Variants in CABP7 observed in about 807,000 individuals in gnomAD.
CABP7 encodes the protein calcium-binding protein 7.
CABP7 carries 13 observed loss-of-function variants against 23.1 expected under a neutral mutation model. The observed-to-expected ratio is 0.56, with a 90% CI of 0.37 to 0.90. CABP7 has a LOEUF of 0.90. Among genes scored for constraint, CABP7 ranks in the 40% least tolerant of loss-of-function variants. The probability of loss-of-function intolerance (pLI) is 0.01; values close to 1 mark genes in which losing one functional copy is unlikely to be tolerated. For missense variants in CABP7, 248 were observed against 295.6 expected, an observed-to-expected ratio of 0.84 and a Z score of 1.18; for synonymous variants, 123 against 115.3, an observed-to-expected ratio of 1.07 and a Z score of -0.43.
In CABP7 at chr22:29,729,044, C is replaced by T; in HGVS notation, c.367-11C>T. 2 of 1,600,392 alleles carry T rather than the reference C, an allele frequency of 1.2e-6. No homozygotes were observed. The highest frequency in any genetic ancestry group is 1.7e-6 in the Non-Finnish European group (2 of 1,178,076). On this transcript the variant is annotated splice_polypyrimidine_tract_variant and intron_variant, in intron 3 of 4. Transcript: ENST00000216144. ...TGGCTCTCAGAGCACCGTGTTGTCC[C>T]CCTCCGCAAGTGCGACATGCAGAAG...
intron 1 of CABP7, among the ~76,000 whole-genome samples, chr22:29,722,551 G>A (rs911262099): frequency 6.6e-6 from 1 of 152,244 alleles, no homozygotes; most frequent in Non-Finnish European, 1.5e-5. Context: ...CTGGCCCAGT[G>A]GGCAGCTACA....
chr22:29,728,494 C>T, intron 2 of CABP7, 136 bp from the exon 3 acceptor site: 1 of 596,600 alleles, frequency 1.7e-6, no homozygotes, highest in Middle Eastern at 4.6e-4. Flanking sequence ...TGACTCAAGG[C>T]TCAGAGAAGG....
chr22:29,731,425 C>T lies in CABP7; in HGVS notation c.*1856C>T, dbSNP rs547260239. 6.7e-7 allele frequency: 1 copy of T among 1,503,450 alleles called. No homozygotes were observed. The highest frequency in any genetic ancestry group is 2.8e-5 in the Admixed American group (1 of 35,508). 93.1% of individuals were successfully genotyped at this position (1,503,450 alleles called of 1,614,324 possible). A position where few individuals can be genotyped will look rare whatever the true frequency, so the allele number is the denominator to read the frequency against. ...CCAGGCTTATGCCACCCCCAGCCCA[C>T]CTGCCTCACCACCCTGGCTGTGGGG... On this transcript the variant is annotated 3_prime_UTR_variant, in exon 5 of 5. Transcript: ENST00000216144.
Position 29,727,906 on chromosome 22 carries a change from C to G in CABP7, c.253+101C>G. The G allele has an allele frequency of 3.0e-6, 4 of 1,340,546 alleles. No homozygotes were observed. Among genetic ancestry groups the G allele is most frequent in the Non-Finnish European group, 4.0e-6 (4 of 995,484 alleles). The allele number at this position is 1,340,546 out of a possible 1,614,324, so 83.0% of individuals were successfully genotyped here. A position where few individuals can be genotyped will look rare whatever the true frequency, so the allele number is the denominator to read the frequency against. ...TGCTGAGGCTGCATCCAAATTGGGT[C>G]TCTCGCTCCCCTGACTCCCACCCTC... On this transcript the variant is annotated intron_variant, in intron 2 of 4. Coordinates refer to ENST00000216144, the MANE Select transcript of CABP7 (RefSeq NM_182527.3). This position sits in a 1 kb window ranked among gnomAD's most constrained non-coding sequence, Gnocchi z 4.2.
rs1290033841 is a variant in CABP7 at position 29,720,498 on chromosome 22, A to AGC, written c.77_78dup (p.Pro27AlafsTer70). The AGC allele has an allele frequency of 6.4e-7, 1 of 1,558,522 alleles. No individual in the cohort carries two copies. Among genetic ancestry groups the AGC allele is most frequent in the Non-Finnish European group, 8.7e-7 (1 of 1,153,530 alleles). ...ACCGTGCCCAACCTGCTGTCGGAGC[A>AGC]GCGCCCGGTGGACATCCCGGAGGAC... is the stretch of plus-strand genomic sequence containing the variant. On this transcript the variant is annotated frameshift_variant, in exon 1 of 5. Coordinates refer to ENST00000216144, the MANE Select transcript of CABP7 (RefSeq NM_182527.3). LOFTEE classifies it high-confidence loss of function. This position sits in a 1 kb window ranked among gnomAD's most constrained non-coding sequence, Gnocchi z 5.2.
At chr22:29,725,423 T>G (rs2067788652) in intron 1 of CABP7, among the ~76,000 whole-genome samples, 2 of 152,106 alleles carry the variant, frequency 1.3e-5, no homozygotes. Context: ...CCCACATCAG[T>G]CATTCATTCA....
Position 29,731,205 on chromosome 22 carries a change from G to A in CABP7, c.*1636G>A, listed in dbSNP as rs767717505. ...TGATGAGAAAAGTGACCACGTGGGGGTCAGTCGGGGGCAAGGGGCTCAGCC... is the reference window on the plus strand; with the variant it reads ...TGATGAGAAAAGTGACCACGTGGGGATCAGTCGGGGGCAAGGGGCTCAGCC... On this transcript the variant is annotated 3_prime_UTR_variant, in exon 5 of 5. Transcript: ENST00000216144. 1 of 1,478,406 alleles carries A rather than the reference G, an allele frequency of 6.8e-7. No individual in the cohort carries two copies. Among genetic ancestry groups the A allele is most frequent in the Non-Finnish European group, 8.9e-7 (1 of 1,123,158 alleles). 91.6% of individuals were successfully genotyped at this position (1,478,406 alleles called of 1,614,324 possible). A position where few individuals can be genotyped will look rare whatever the true frequency, so the allele number is the denominator to read the frequency against.
At chr22:29,728,784 G>A (rs371817781) in intron 3 of CABP7, 42 bp downstream of exon 3, 1 of 1,416,832 alleles carries the variant, frequency 7.1e-7, no homozygotes, top group Non-Finnish European at 1.0e-6. Flanking sequence ...TGCACACTGT[G>A]GAGTTCTGTT....
rs1321302859 is a variant in CABP7, at chr22:29,729,054, G to A, written c.367-1G>A. On this transcript the variant is annotated splice_acceptor_variant, in intron 3 of 4. Transcript: ENST00000216144. LOFTEE classifies it high-confidence loss of function. Reference sequence around the variant, plus strand: ...AGCACCGTGTTGTCCCCCTCCGCAAGTGCGACATGCAGAAGCTGACGGTGG... The same window carrying A: ...AGCACCGTGTTGTCCCCCTCCGCAAATGCGACATGCAGAAGCTGACGGTGG... The A allele has an allele frequency of 6.2e-7, 1 of 1,610,136 alleles. No homozygotes were observed.
Position 29,727,819 on chromosome 22 carries a change from C to G in CABP7, c.253+14C>G. 6.2e-7 allele frequency: 1 copy of G among 1,600,014 alleles called. No homozygotes were observed. The highest frequency in any genetic ancestry group is 8.5e-7 in the Non-Finnish European group (1 of 1,171,958). ...TGGACATGGATGGTGAGCACCCCCC[C>G]GCCTCGGTTTCCCCACCTGGCATCT... On this transcript the variant is annotated intron_variant, in intron 2 of 4. Coordinates refer to ENST00000216144, the MANE Select transcript of CABP7 (RefSeq NM_182527.3). This position sits in a 1 kb window ranked among gnomAD's most constrained non-coding sequence, Gnocchi z 4.2.
chr22:29,722,006 C>T (rs1002889310), intron 1 of CABP7, among the ~76,000 whole-genome samples: 3 of 152,164 alleles, frequency 2.0e-5, no homozygotes, highest in African/African-American at 7.2e-5. Flanking sequence ...TCCTCCCCAC[C>T]TTTGTCCCCT....
intron 1 of CABP7, among the ~76,000 whole-genome samples, chr22:29,722,400 G>A (rs550318661): frequency 1.5e-3 from 225 of 152,326 alleles, no homozygotes; most frequent in African/African-American, 5.2e-3. Context: ...TGCCCTCCCC[G>A]CTTCTCTCCT....
chr22:29,729,291 G>T, intron 4 of CABP7, 83 bp downstream of exon 4: 3 of 1,577,338 alleles, frequency 1.9e-6, no homozygotes, highest in Admixed American at 1.7e-5. Context: ...GTCTGCAGAG[G>T]GGGGCTGGGG....
Position 29,729,477 on chromosome 22 carries a change from C to A in CABP7, c.556C>A (p.Arg186Ser), listed in dbSNP as rs750253972. ...SNQQIRQTCV[R>S]KSLICAFAIA... Reference sequence around the variant, plus strand: ...CCAGCAGATCCGCCAGACTTGCGTGCGCAAGAGTCTCATCTGCGCCTTCGC... The same window carrying A: ...CCAGCAGATCCGCCAGACTTGCGTGAGCAAGAGTCTCATCTGCGCCTTCGC... The change falls in exon 5 of 5, where the codon CGC (arginine) becomes AGC (serine). Residue 186 changes from arginine (R) to serine (S), a missense_variant. Coordinates refer to ENST00000216144, the MANE Select transcript of CABP7 (RefSeq NM_182527.3). 2.5e-6 allele frequency: 4 copies of A among 1,611,846 alleles called. No homozygotes were observed. The highest frequency in any genetic ancestry group is 3.4e-6 in the Non-Finnish European group (4 of 1,179,990).
chr22:29,725,300 G>A (rs1328895387), intron 1 of CABP7, among the ~76,000 whole-genome samples: 6 of 152,110 alleles, frequency 3.9e-5, no homozygotes, highest in African/African-American at 7.2e-5. Flanking sequence ...GGAAATGAAC[G>A]TGTCCCCTAA....
Position 29,730,496 on chromosome 22 carries a change from C to T in CABP7, c.*927C>T, listed in dbSNP as rs1366414882. 2 of 152,310 alleles carry T rather than the reference C, an allele frequency of 1.3e-5. No homozygotes were observed. Among genetic ancestry groups the T allele is most frequent in the African/African-American group, 2.4e-5 (1 of 41,448 alleles). 9.4% of individuals were successfully genotyped at this position (152,310 alleles called of 1,614,324 possible). A position where few individuals can be genotyped will look rare whatever the true frequency, so the allele number is the denominator to read the frequency against. ...GAACTTTGGGAGGGCCCCTGTACTACCTCCTGGGCCAAGAAACTGGCACAG... is the reference window on the plus strand; with the variant it reads ...GAACTTTGGGAGGGCCCCTGTACTATCTCCTGGGCCAAGAAACTGGCACAG... On this transcript the variant is annotated 3_prime_UTR_variant, in exon 5 of 5. Transcript: ENST00000216144.
chr22:29,731,161 C>G lies in CABP7; in HGVS notation c.*1592C>G. 7.0e-7 allele frequency: 1 copy of G among 1,433,822 alleles called. No homozygotes were observed. The highest frequency in any genetic ancestry group is 2.8e-5 in the East Asian group (1 of 36,298). The allele number at this position is 1,433,822 out of a possible 1,614,324, so 88.8% of individuals were successfully genotyped here. Reference sequence around the variant, plus strand: ...TCCATGGGGCGTAGCAGGAACCGGGCTTGGCTTCCTATTGTGACTGATGAG... The same window carrying G: ...TCCATGGGGCGTAGCAGGAACCGGGGTTGGCTTCCTATTGTGACTGATGAG... On this transcript the variant is annotated 3_prime_UTR_variant, in exon 5 of 5. Coordinates refer to ENST00000216144, the MANE Select transcript of CABP7 (RefSeq NM_182527.3).
intron 1 of CABP7, among the ~76,000 whole-genome samples, chr22:29,721,179 A>G (rs1444431923): frequency 3.3e-5 from 5 of 152,126 alleles, no homozygotes; most frequent in Non-Finnish European, 5.9e-5. Context: ...GCGATAGCCA[A>G]GCCTGGAAGG....
At position 29,720,468 on chromosome 22, in the gene CABP7, T is replaced by C; in HGVS notation, c.44T>C (p.Ile15Thr). The change falls in exon 1 of 5, where the codon ATC (isoleucine) becomes ACC (threonine). Residue 15 changes from isoleucine (I) to threonine (T), a missense_variant. Transcript: ENST00000216144. This position sits in a 1 kb window ranked among gnomAD's most constrained non-coding sequence, Gnocchi z 5.2. ...ACGGCGGCGTTGATGTACCGGGGCA[T>C]CTACACCGTGCCCAACCTGCTGTCG... ...PVTAALMYRG[I>T]YTVPNLLSEQ... is the part of the protein sequence containing the mutation. The C allele has an allele frequency of 1.9e-6, 3 of 1,562,802 alleles. No homozygotes were observed. Among genetic ancestry groups the C allele is most frequent in the Non-Finnish European group, 2.6e-6 (3 of 1,156,136 alleles).
Sources: allele counts gnomAD v4.1 joint callset (sites outside exome capture counted in the v4.1 genomes callset), GRCh38; gene constraint gnomAD v4.1.1; non-coding constraint Gnocchi (gnomAD v3.1); transcripts MANE v1.5; gene names NCBI Gene and HGNC (gene_info 2026-07-23, HGNC 2026-07-21).